Variants in NEIL3 observed in about 807,000 individuals in gnomAD.
NEIL3 encodes the protein nei like DNA glycosylase 3.
Under a neutral mutation model 57.5 loss-of-function variants are expected in NEIL3, and 48 were observed. The observed-to-expected ratio is 0.83, with a 90% confidence interval of 0.66 to 1.06. The LOEUF (loss-of-function observed/expected upper bound fraction) is 1.06, where lower values mean the gene tolerates loss of function less well. NEIL3 is among the 50% of genes least tolerant of loss of function. NEIL3 has a pLI of 0.00. For missense variants in NEIL3, 717 were observed against 739.1 expected (o/e 0.97, Z 0.35); for synonymous variants, 261 against 253.2 (o/e 1.03, Z -0.29).
At chr4:177,350,044 G>A (rs1423215073) in intron 6 of NEIL3, among the ~76,000 whole-genome samples, 5 of 152,068 alleles carry the variant, frequency 3.3e-5, no homozygotes, top group Admixed American at 6.6e-5. Context: ...AAAAGTCAAG[G>A]GAAGTAAAGA....
chr4:177,352,390 C>T (rs988357424), intron 7 of NEIL3, among the ~76,000 whole-genome samples: 2 of 152,176 alleles, frequency 1.3e-5, no homozygotes, highest in South Asian at 2.1e-4. Flanking sequence ...TTGATTTCAA[C>T]ATTCTGAAAT....
intron 4 of NEIL3, among the ~76,000 whole-genome samples, chr4:177,337,093 C>T (rs1227230142): frequency 7.9e-6 from 1 of 127,108 alleles, no homozygotes; most frequent in Non-Finnish European, 1.7e-5. Context: ...TTATATGTTG[C>T]AAAAAAAAAA....
At chr4:177,325,206 T>G (rs2111120209) in intron 2 of NEIL3, among the ~76,000 whole-genome samples, 1 of 152,274 alleles carries the variant, frequency 6.6e-6, no homozygotes, top group African/African-American at 2.4e-5. Context: ...ATAATGATTC[T>G]TTTTAGTTTG....
At chr4:177,338,310 C>A (rs1191802246) in intron 4 of NEIL3, among the ~76,000 whole-genome samples, 2 of 152,080 alleles carry the variant, frequency 1.3e-5, no homozygotes, top group African/African-American at 4.8e-5. Flanking sequence ...TGTTTATATG[C>A]AGCTTCCCTC....
intron 1 of NEIL3, among the ~76,000 whole-genome samples, chr4:177,319,836 G>A (rs760357163): frequency 6.6e-6 from 1 of 152,126 alleles, no homozygotes; most frequent in Non-Finnish European, 1.5e-5. Flanking sequence ...TCTGCTGGGA[G>A]CTCTAAGAAA....
At position 177,335,877 on chromosome 4, in the gene NEIL3, G is replaced by A. The variant is rs1046632775; in HGVS notation, c.413+55G>A. The A allele has an allele frequency of 9.6e-6, 14 of 1,456,150 alleles. No individual in the cohort carries two copies. In the African/African-American group the frequency reaches 2.0e-4, roughly 21 times the overall value. 90.2% of individuals were successfully genotyped at this position (1,456,150 alleles called of 1,614,324 possible). On this transcript the variant is annotated intron_variant, in intron 3 of 9. Coordinates refer to ENST00000264596, the MANE Select transcript of NEIL3 (RefSeq NM_018248.3). ...CTGCAATACTGCAGAGCTTGGTTTG[G>A]GATGTCACACGTGTAACTAAAGAAA...
rs1402754135 is a variant in NEIL3, at chr4:177,362,328, C to T, written c.1675C>T (p.Arg559Cys). ...LSFPFCNHGK[R>C]STMKTVLKIG... ...CTTCCCATTCTGCAACCATGGCAAGCGTTCCACCATGAAAACAGTATTGAA... is the reference window on the plus strand; with the variant it reads ...CTTCCCATTCTGCAACCATGGCAAGTGTTCCACCATGAAAACAGTATTGAA... Residue 559 changes from arginine (R) to cysteine (C), a missense_variant, in exon 10 of 10, where the codon CGT (arginine) becomes TGT (cysteine). Coordinates refer to ENST00000264596, the MANE Select transcript of NEIL3 (RefSeq NM_018248.3). The T allele has an allele frequency of 5.6e-6, 9 of 1,610,676 alleles. No homozygotes were observed. Among genetic ancestry groups the T allele is most frequent in the South Asian group, 3.3e-5 (3 of 90,140 alleles).
chr4:177,328,274 G>A (rs955266496), intron 2 of NEIL3, among the ~76,000 whole-genome samples: 2 of 152,174 alleles, frequency 1.3e-5, no homozygotes, highest in Non-Finnish European at 2.9e-5. Flanking sequence ...TGTCATCCTA[G>A]AAGAAAGAAA....
In NEIL3 at chr4:177,353,522, C is replaced by T. The variant is rs1735405942; in HGVS notation, c.1254C>T (p.Asn418=). The T allele has an allele frequency of 6.8e-6, 11 of 1,612,920 alleles. No individual in the cohort carries two copies. Among genetic ancestry groups the T allele is most frequent in the Non-Finnish European group, 9.3e-6 (11 of 1,179,130 alleles). Reference sequence around the variant, plus strand: ...AGATACTAGATGAGGAGTTTCAAAACTCTCCTCCTGCTAGTGTTTGTTTGA... The same window carrying T: ...AGATACTAGATGAGGAGTTTCAAAATTCTCCTCCTGCTAGTGTTTGTTTGA... ...QNQILDEEFQ[N]SPPASVCLND... The change falls in exon 8 of 10, where the codon AAC becomes AAT. Residue 418 remains asparagine (N), a synonymous_variant. Transcript: ENST00000264596.
chr4:177,351,394 G>C lies in NEIL3; in HGVS notation c.884G>C (p.Arg295Thr). 1 of 1,608,278 alleles carries C rather than the reference G, an allele frequency of 6.2e-7. No individual in the cohort carries two copies. The highest frequency in any genetic ancestry group is 8.5e-7 in the Non-Finnish European group (1 of 1,178,072). Residue 295 changes from arginine to threonine, a missense_variant, in exon 7 of 10, where the codon AGA becomes ACA. Coordinates refer to ENST00000264596, the MANE Select transcript of NEIL3 (RefSeq NM_018248.3). ...QHVDICKLPT[R>T]NTIISWTSSR... ...TTATCTTATAGCAAGCTACCGACTA[G>C]AAATACTATAATCAGTTGGACATCT...
intron 6 of NEIL3, among the ~76,000 whole-genome samples, chr4:177,349,292 T>C (rs1037112113): frequency 2.0e-5 from 3 of 152,132 alleles, no homozygotes; most frequent in African/African-American, 7.2e-5. Flanking sequence ...CGCTGGATGC[T>C]AAAAGCTCAA....
intron 1 of NEIL3, among the ~76,000 whole-genome samples, chr4:177,321,262 A>C (rs1734679627): frequency 6.6e-6 from 1 of 152,166 alleles, no homozygotes; most frequent in Non-Finnish European, 1.5e-5. Context: ...TCTTCTGAGG[A>C]TCCTTAGGCC....
At chr4:177,350,756 A>T (rs538485750) in intron 6 of NEIL3, among the ~76,000 whole-genome samples, 2 of 152,306 alleles carry the variant, frequency 1.3e-5, no homozygotes, top group East Asian at 3.9e-4. Context: ...AAAAGTACCA[A>T]TTACTTAAAA....
At chr4:177,357,773 TAGAC>T (rs1735507100) in intron 8 of NEIL3, among the ~76,000 whole-genome samples, 1 of 152,206 alleles carries the variant, frequency 6.6e-6, no homozygotes, top group Non-Finnish European at 1.5e-5. Flanking sequence ...ATAACAAACT[TAGAC>T]CGTAAGACCA....
chr4:177,340,328 A>G (rs1735067642), intron 5 of NEIL3, among the ~76,000 whole-genome samples: 1 of 152,186 alleles, frequency 6.6e-6, no homozygotes, highest in Admixed American at 6.6e-5. Flanking sequence ...TGGGATAATA[A>G]TGTTTCTCTG....
At chr4:177,323,071 T>G (rs1354847787) in intron 2 of NEIL3, among the ~76,000 whole-genome samples, 1 of 152,198 alleles carries the variant, frequency 6.6e-6, no homozygotes, top group African/African-American at 2.4e-5. Flanking sequence ...CTCCATTGTT[T>G]CACAGTTCCC....
chr4:177,316,071 G>T (rs547840792), intron 1 of NEIL3, among the ~76,000 whole-genome samples: 5 of 152,190 alleles, frequency 3.3e-5, no homozygotes, highest in African/African-American at 9.6e-5. Flanking sequence ...ACCTATGTTA[G>T]TTTAATTTAT....
chr4:177,332,892 G>A (rs1387174343), intron 2 of NEIL3, among the ~76,000 whole-genome samples: 2 of 152,054 alleles, frequency 1.3e-5, no homozygotes, highest in Non-Finnish European at 1.5e-5. Flanking sequence ...ACCTGGTTGC[G>A]TTGCAATCTC....
At chr4:177,348,496 A>G (rs1006343735) in intron 6 of NEIL3, among the ~76,000 whole-genome samples, 5 of 152,030 alleles carry the variant, frequency 3.3e-5, no homozygotes, top group African/African-American at 1.2e-4. Context: ...CACCAGGGCA[A>G]TAGTTTCCCT....
Sources: gnomAD v4.1 joint callset for allele counts (sites outside exome capture counted in the v4.1 genomes callset) on GRCh38, gnomAD v4.1.1 for gene constraint, MANE v1.5 for transcripts, NCBI Gene and HGNC (gene_info 2026-07-23, HGNC 2026-07-21) for gene names.